Variants in FAM13C observed in about 807,000 individuals in gnomAD.
FAM13C encodes family with sequence similarity 13 member C, also known as protein FAM13C.
FAM13C carries 37 observed loss-of-function variants against 73.2 expected under a neutral mutation model. The observed-to-expected ratio is 0.51, with a 90% CI of 0.39 to 0.67. The LOEUF (loss-of-function observed/expected upper bound fraction) is 0.67, where lower values mean the gene tolerates loss of function less well. FAM13C is among the 30% of genes least tolerant of loss of function. The pLI is 0.00. For synonymous variants in FAM13C, 246 were observed against 260.9 expected (o/e 0.94, Z 0.55); for missense variants, 589 against 715.6 (o/e 0.82, Z 2.02).
chr10:59,337,348 T>C (rs1156268679), intron 3 of FAM13C, among the ~76,000 whole-genome samples: 2 of 152,234 alleles, frequency 1.3e-5, no homozygotes, highest in Admixed American at 6.5e-5. Flanking sequence ...TAGGCATTAG[T>C]TGACCTTTAG....
At chr10:59,333,614 C>T (rs150440342) in intron 3 of FAM13C, among the ~76,000 whole-genome samples, 358 of 152,286 alleles carry the variant, frequency 2.4e-3, no homozygotes, top group African/African-American at 8.2e-3. Context: ...CCTGTTGATA[C>T]GGAATCTCTA....
chr10:59,247,560 A>C lies in FAM13C; in HGVS notation c.*54T>G. On this transcript the variant is annotated 3_prime_UTR_variant, in exon 14 of 14. Coordinates refer to ENST00000618804, the MANE Select transcript of FAM13C (RefSeq NM_198215.4). ...ACTACTTAGCAAGGATGGCAGAGGA[A>C]AATAAACTTTACTTTATATCATGGG... 6.2e-7 allele frequency: 1 copy of C among 1,609,186 alleles called. No individual in the cohort carries two copies. The highest frequency in any genetic ancestry group is 8.5e-7 in the Non-Finnish European group (1 of 1,177,792).
chr10:59,253,099 C>T, intron 11 of FAM13C, 101 bp from the exon 12 acceptor site: 1 of 1,173,736 alleles, frequency 8.5e-7, no homozygotes, highest in Non-Finnish European at 1.3e-6. Flanking sequence ...GCCATGAAAA[C>T]CAGTAGGTGA....
At chr10:59,348,988 T>C (rs1854674399) in intron 3 of FAM13C, among the ~76,000 whole-genome samples, 2 of 152,238 alleles carry the variant, frequency 1.3e-5, no homozygotes, top group Non-Finnish European at 2.9e-5. Flanking sequence ...AAAACTATAT[T>C]CATTCATTTT....
chr10:59,362,335 C>A, intron 1 of FAM13C, 64 bp downstream of exon 1: 1 of 1,585,592 alleles, frequency 6.3e-7, no homozygotes, highest in South Asian at 1.1e-5. Flanking sequence ...TGGAGGATAC[C>A]TTCACGATAG....
intron 3 of FAM13C, among the ~76,000 whole-genome samples, chr10:59,337,796 C>T (rs1013706314): frequency 2.0e-5 from 3 of 150,948 alleles, no homozygotes; most frequent in East Asian, 2.0e-4. Flanking sequence ...TCTCCTGCCT[C>T]GGCCTCCCGA....
chr10:59,292,311 C>T (rs1477942747), intron 5 of FAM13C, among the ~76,000 whole-genome samples: 1 of 152,218 alleles, frequency 6.6e-6, no homozygotes, highest in East Asian at 1.9e-4. Context: ...GGGCTGAACT[C>T]CAAAGCTAGT....
intron 4 of FAM13C, among the ~76,000 whole-genome samples, chr10:59,314,228 C>CT (rs1320801714): frequency 1.3e-5 from 2 of 152,136 alleles, no homozygotes; most frequent in African/African-American, 4.8e-5. Context: ...TACTGTGGAG[C>CT]TAAGCAAAAA....
At chr10:59,328,957 T>C (rs1851555544) in intron 3 of FAM13C, among the ~76,000 whole-genome samples, 1 of 152,148 alleles carries the variant, frequency 6.6e-6, no homozygotes, top group South Asian at 2.1e-4. Context: ...TTTCTTAACC[T>C]TCACATATCT....
chr10:59,285,532 T>G (rs750505112), intron 5 of FAM13C, among the ~76,000 whole-genome samples: 5 of 152,214 alleles, frequency 3.3e-5, no homozygotes, highest in African/African-American at 1.2e-4. Flanking sequence ...CAAAACAGAA[T>G]GATGGGCTCC....
chr10:59,265,322 C>CG lies in FAM13C; in HGVS notation c.943-1157dup, dbSNP rs1554811319. Among the ~76,000 whole-genome samples, 11 of 17,532 alleles carry CG rather than the reference C, an allele frequency of 6.3e-4. 1 individual carries two copies. Among genetic ancestry groups the CG allele is most frequent in the African/African-American group, 4.4e-3 (11 of 2,472 alleles). The allele number at this position is 17,532 out of a possible 152,430, so 11.5% of individuals were successfully genotyped here. A position where few individuals can be genotyped will look rare whatever the true frequency, so the allele number is the denominator to read the frequency against. ...CAGAGGGATAGGGAAGGGGTTTTGG[C>CG]GGGGGGGGGGGGGAATCCTGGTTTC... On this transcript the variant is annotated intron_variant, in intron 8 of 13. Transcript: ENST00000618804.
intron 8 of FAM13C, among the ~76,000 whole-genome samples, chr10:59,267,885 T>C (rs1441134215): frequency 6.6e-6 from 1 of 152,212 alleles, no homozygotes; most frequent in Non-Finnish European, 1.5e-5. Flanking sequence ...CCATGGTCAC[T>C]ACTGGAGAAA....
rs769585309 is a variant in FAM13C at position 59,324,102 on chromosome 10, G to C, written c.329C>G (p.Thr110Arg). 8 of 1,610,946 alleles carry C rather than the reference G, an allele frequency of 5.0e-6. No homozygotes were observed. The highest frequency in any genetic ancestry group is 5.9e-6 in the Non-Finnish European group (7 of 1,177,714). The change falls in exon 4 of 14, where the codon ACA (threonine) becomes AGA (arginine). Residue 110 changes from threonine to arginine, a missense_variant. By Grantham distance (71) the Thr-to-Arg change is moderately conservative. Coordinates refer to ENST00000618804, the MANE Select transcript of FAM13C (RefSeq NM_198215.4). ...SGRSHGESQE[T>R]EHVVSSQSEC... Reference sequence around the variant, plus strand: ...TGACTGGCTGGATACCACATGCTCTGTCTCCTGCAAGAAGAAAGAGCAAAA... The same window carrying C: ...TGACTGGCTGGATACCACATGCTCTCTCTCCTGCAAGAAGAAAGAGCAAAA...
intron 5 of FAM13C, among the ~76,000 whole-genome samples, chr10:59,289,061 C>T (rs1328502872): frequency 6.6e-6 from 1 of 152,334 alleles, no homozygotes; most frequent in South Asian, 2.1e-4. Context: ...GACAATTTTT[C>T]CATGGACTGG....
At chr10:59,270,485 T>C (rs1843593610) in intron 6 of FAM13C, among the ~76,000 whole-genome samples, 1 of 151,088 alleles carries the variant, frequency 6.6e-6, no homozygotes, top group Non-Finnish European at 1.5e-5. Flanking sequence ...AGACTATAGA[T>C]TATCAGGAAG....
intron 3 of FAM13C, among the ~76,000 whole-genome samples, chr10:59,341,633 G>A (rs983702228): frequency 2.0e-5 from 3 of 152,138 alleles, no homozygotes; most frequent in Non-Finnish European, 4.4e-5. Context: ...AGGTTGCGGT[G>A]AGCTGAGATC....
At chr10:59,254,225 C>T in intron 11 of FAM13C, 123 bp downstream of exon 11, 1 of 568,400 alleles carries the variant, frequency 1.8e-6, no homozygotes, top group Non-Finnish European at 2.9e-6. Context: ...TTTGAAATGA[C>T]AACTAGCCTT....
intron 3 of FAM13C, among the ~76,000 whole-genome samples, chr10:59,336,606 A>G (rs982871190): frequency 6.6e-6 from 1 of 152,204 alleles, no homozygotes; most frequent in African/African-American, 2.4e-5. Context: ...CTGGAAAAAC[A>G]AATAGTGGCC....
In FAM13C at chr10:59,345,090, A is replaced by T. The variant is rs1321730649; in HGVS notation, c.324+7180T>A. ...TGTAAAAGATGCATAGGAAGTGGCA[A>T]ATGGACAATTTTAACAGTCATCCTG... On this transcript the variant is annotated intron_variant, in intron 3 of 13. Transcript: ENST00000618804. Among the ~76,000 whole-genome samples the T allele has an allele frequency of 2.6e-5, 4 of 152,214 alleles. 1 individual carries two copies. The highest frequency in any genetic ancestry group is 2.6e-4 in the Admixed American group (4 of 15,280).
Sources: allele counts gnomAD v4.1 joint callset (sites outside exome capture counted in the v4.1 genomes callset), GRCh38; gene constraint gnomAD v4.1.1; transcripts MANE v1.5; gene names NCBI Gene and HGNC (gene_info 2026-07-23, HGNC 2026-07-21).